The following PIK3C2G variants were observed in gnomAD, a reference collection of about 807,000 sequenced individuals.
PIK3C2G encodes phosphatidylinositol-4-phosphate 3-kinase catalytic subunit type 2 gamma.
PIK3C2G carries 168 observed loss-of-function variants against 181.1 expected under a neutral mutation model. That is an observed-to-expected ratio of 0.93 (90% CI 0.82 to 1.05). The LOEUF (loss-of-function observed/expected upper bound fraction) is 1.05. Ranked by LOEUF, PIK3C2G falls within the 50% of genes least tolerant of loss-of-function variation. The pLI is 0.00. For missense variants in PIK3C2G, 1,869 were observed against 1,732.8 expected, an observed-to-expected ratio of 1.08 and a Z score of -1.40; for synonymous variants, 573 against 592.2, an observed-to-expected ratio of 0.97 and a Z score of 0.47.
At chr12:18,338,619 C>A in intron 9 of PIK3C2G, 71 bp downstream of exon 9, 1 of 1,002,300 alleles carries the variant, frequency 1.0e-6, no homozygotes, top group African/African-American at 1.6e-5. Context: ...GAGTGAAAGA[C>A]TTTTTACTAA....
chr12:18,625,039 GTTCT>G (rs1040710163), intron 31 of PIK3C2G, among the ~76,000 whole-genome samples: 78 of 151,522 alleles, frequency 5.1e-4, no homozygotes, highest in African/African-American at 1.9e-3. Flanking sequence ...TTTCTGCTCT[GTTCT>G]TTATTATTTC....
chr12:18,425,516 C>T (rs1048597191), intron 18 of PIK3C2G, among the ~76,000 whole-genome samples: 3 of 151,024 alleles, frequency 2.0e-5, no homozygotes, highest in African/African-American at 4.9e-5. Context: ...CTCAGCCTCC[C>T]GAGTAGCTGG....
Position 18,319,339 on chromosome 12 carries a change from T to A in PIK3C2G, c.1138-1623T>A, listed in dbSNP as rs182722861. 1.7e-3 allele frequency among the ~76,000 whole-genome samples: 262 copies of A among 152,084 alleles called. 1 individual carries two copies. Among genetic ancestry groups the A allele is most frequent in the African/African-American group, 5.9e-3 (244 of 41,496 alleles). On this transcript the variant is annotated intron_variant, in intron 6 of 32. Coordinates refer to ENST00000538779, the MANE Select transcript of PIK3C2G (RefSeq NM_001288772.2). ...TAGATTTTTGTATGAGAAAAAAAAATTTTAACTTTTTCCTTTTTCCTTAAG... is the reference window on the plus strand; with the variant it reads ...TAGATTTTTGTATGAGAAAAAAAAAATTTAACTTTTTCCTTTTTCCTTAAG...
chr12:18,428,521 A>ACTC (rs1945968207), intron 18 of PIK3C2G, among the ~76,000 whole-genome samples: 1 of 152,062 alleles, frequency 6.6e-6, no homozygotes, highest in Admixed American at 6.5e-5. Context: ...AAGCCCTATA[A>ACTC]CTCTATATAT....
chr12:18,254,659 A>G (rs1325529650), intron 1 of PIK3C2G, among the ~76,000 whole-genome samples: 1 of 151,760 alleles, frequency 6.6e-6, no homozygotes, highest in African/African-American at 2.4e-5. Context: ...CTTGGCAAAC[A>G]TGGTGAAACC....
chr12:18,409,863 C>T (rs770809806), intron 16 of PIK3C2G, among the ~76,000 whole-genome samples: 1 of 152,104 alleles, frequency 6.6e-6, no homozygotes, highest in African/African-American at 2.4e-5. Flanking sequence ...AGGAAACTTA[C>T]AACCATGGTG....
At chr12:18,555,448 T>G (rs1944956481) in intron 26 of PIK3C2G, among the ~76,000 whole-genome samples, 1 of 152,182 alleles carries the variant, frequency 6.6e-6, no homozygotes, top group African/African-American at 2.4e-5. Context: ...CTGAGACTGA[T>G]AGACTCAATT....
chr12:18,293,812 T>G, intron 4 of PIK3C2G, 89 bp from the exon 5 acceptor site: 1 of 680,406 alleles, frequency 1.5e-6, no homozygotes, highest in East Asian at 2.7e-5. Context: ...TCCTTCATAA[T>G]GTGTTGGTCA....
At chr12:18,649,301 C>T (rs551369795), downstream of PIK3C2G, among the ~76,000 whole-genome samples, 2 of 152,098 alleles carry the variant, frequency 1.3e-5, no homozygotes, top group South Asian at 4.1e-4. Context: ...CCATGTTCCA[C>T]CTCTCTGCTT....
At chr12:18,385,766 A>T (rs773089922) in intron 14 of PIK3C2G, among the ~76,000 whole-genome samples, 3 of 152,024 alleles carry the variant, frequency 2.0e-5, no homozygotes, top group Non-Finnish European at 4.4e-5. Context: ...CGGTTTCACC[A>T]TGATGGCCAA....
chr12:18,478,991 ATATATATATG>A (rs1939287541), intron 18 of PIK3C2G, among the ~76,000 whole-genome samples: 1 of 147,992 alleles, frequency 6.8e-6, no homozygotes, highest in African/African-American at 2.5e-5. Flanking sequence ...AAAAAAATAT[ATATATATATG>A]TATATATATA....
chr12:18,391,627 G>A (rs137993536), intron 15 of PIK3C2G, among the ~76,000 whole-genome samples: 401 of 152,214 alleles, frequency 2.6e-3, no homozygotes, highest in Non-Finnish European at 5.0e-3. Flanking sequence ...AATTAAGGCA[G>A]ATTTTTAAAA....
At chr12:18,467,772 A>G (rs1009651820) in intron 18 of PIK3C2G, among the ~76,000 whole-genome samples, 1 of 151,922 alleles carries the variant, frequency 6.6e-6, no homozygotes, top group Non-Finnish European at 1.5e-5. Flanking sequence ...ACCCTAACAG[A>G]TGGAGTTTTT....
intron 18 of PIK3C2G, among the ~76,000 whole-genome samples, chr12:18,463,629 T>C (rs562341701): frequency 4.3e-4 from 65 of 152,334 alleles, no homozygotes; most frequent in African/African-American, 1.4e-3. Flanking sequence ...ACGGGTAGTT[T>C]ATCTGCATTT....
chr12:18,567,747 A>T (rs1945714501), intron 29 of PIK3C2G, among the ~76,000 whole-genome samples: 1 of 152,158 alleles, frequency 6.6e-6, no homozygotes, highest in Non-Finnish European at 1.5e-5. Context: ...AAAACCAAAA[A>T]GAAATAGTAT....
chr12:18,671,826 TCA>T, the PIK3C2G span, among the ~76,000 whole-genome samples: 2 of 152,164 alleles, frequency 1.3e-5, no homozygotes, highest in African/African-American at 2.4e-5. Flanking sequence ...AATTGATTTC[TCA>T]CAGTTTTGGA....
chr12:18,691,073 A>C, the PIK3C2G span, among the ~76,000 whole-genome samples: 1 of 152,194 alleles, frequency 6.6e-6, no homozygotes, highest in African/African-American at 2.4e-5. Context: ...GACAGGTAGT[A>C]AATTCCTGAT....
chr12:18,625,259 T>C, intron 31 of PIK3C2G, among the ~76,000 whole-genome samples: 1 of 151,776 alleles, frequency 6.6e-6, no homozygotes, highest in East Asian at 1.9e-4. Context: ...TAATTTCCCT[T>C]TTAATTTCTT....
At chr12:18,636,530 G>A (rs772301447) in intron 31 of PIK3C2G, among the ~76,000 whole-genome samples, 4 of 152,170 alleles carry the variant, frequency 2.6e-5, no homozygotes, top group Non-Finnish European at 4.4e-5. Flanking sequence ...TGCACCCCTG[G>A]TGGTCTTTGT....
Sources: allele counts gnomAD v4.1 joint callset (sites outside exome capture counted in the v4.1 genomes callset), GRCh38; gene constraint gnomAD v4.1.1; transcripts MANE v1.5; gene names NCBI Gene and HGNC (gene_info 2026-07-23, HGNC 2026-07-21).